HS6ST3: variants seen among roughly 807,000 people sequenced by gnomAD.
The protein encoded by HS6ST3 is heparan-sulfate 6-O-sulfotransferase 3.
Under a neutral mutation model 36.7 loss-of-function variants are expected in HS6ST3, and 12 were observed. That is an observed-to-expected ratio of 0.33 (90% CI 0.21 to 0.53). HS6ST3 has a LOEUF of 0.53. Among genes scored for constraint, HS6ST3 ranks in the 20% least tolerant of loss-of-function variants. The probability of loss-of-function intolerance (pLI) is 0.95; values close to 1 mark genes in which losing one functional copy is unlikely to be tolerated. For missense variants in HS6ST3, 584 were observed against 640.9 expected (o/e 0.91, Z 0.96); for synonymous variants, 240 against 257.5 (o/e 0.93, Z 0.65).
intron 1 of HS6ST3, among the ~76,000 whole-genome samples, chr13:96,454,250 A>C (rs2139487276): frequency 6.6e-6 from 1 of 152,296 alleles, no homozygotes; most frequent in South Asian, 2.1e-4. Context: ...CTGGGCCATC[A>C]GTGAAATCAT....
intron 1 of HS6ST3, among the ~76,000 whole-genome samples, chr13:96,500,902 T>C (rs2056001030): frequency 6.6e-6 from 1 of 152,300 alleles, no homozygotes; most frequent in South Asian, 2.1e-4. Flanking sequence ...GCCATATTAT[T>C]GAAGTGCTTT....
At chr13:96,474,502 AAG>A (rs2055854148) in intron 1 of HS6ST3, among the ~76,000 whole-genome samples, 1 of 152,220 alleles carries the variant, frequency 6.6e-6, no homozygotes, top group Non-Finnish European at 1.5e-5. Flanking sequence ...CACAGAATTT[AAG>A]AGAGATCTTT....
chr13:96,411,203 C>T (rs969445165), intron 1 of HS6ST3, among the ~76,000 whole-genome samples: 58 of 152,124 alleles, frequency 3.8e-4, no homozygotes, highest in Admixed American at 3.8e-3. Context: ...AACCTCTTAG[C>T]CACCCCCACA....
rs2056398744 is a variant in HS6ST3, at chr13:96,595,621, T to G, written c.708-236869T>G. 5.3e-5 allele frequency among the ~76,000 whole-genome samples: 8 copies of G among 152,246 alleles called. No individual in the cohort carries two copies. The South Asian group carries it at 1.7e-3, about 32-fold the overall frequency. ...TCTGCTACTAGTTTTTTAGATAAGC[T>G]TTATAGCCCTTTATCTTTCTATTCT... On this transcript the variant is annotated intron_variant, in intron 1 of 1. Transcript: ENST00000376705.
intron 1 of HS6ST3, among the ~76,000 whole-genome samples, chr13:96,706,412 T>TA (rs1160057876): frequency 5.7e-4 from 66 of 116,746 alleles, no homozygotes; most frequent in African/African-American, 1.3e-3. Context: ...TAGAATATAT[T>TA]TTATATATAT....
chr13:96,341,742 A>G (rs1411219606), intron 1 of HS6ST3, among the ~76,000 whole-genome samples: 1 of 152,178 alleles, frequency 6.6e-6, no homozygotes, highest in Non-Finnish European at 1.5e-5. Context: ...TTATAACAAA[A>G]CATAGGAAAT....
At chr13:96,476,651 G>A (rs963617354) in intron 1 of HS6ST3, among the ~76,000 whole-genome samples, 1 of 152,144 alleles carries the variant, frequency 6.6e-6, no homozygotes, top group South Asian at 2.1e-4. Context: ...GTGAGCCATC[G>A]CGCCTGGCCG....
intron 1 of HS6ST3, among the ~76,000 whole-genome samples, chr13:96,423,797 T>C (rs1009379508): frequency 1.9e-4 from 29 of 152,048 alleles, no homozygotes; most frequent in African/African-American, 7.0e-4. Flanking sequence ...CTGGATACTG[T>C]GTCGAGAATA....
At chr13:96,825,438 A>T (rs1490685822) in intron 1 of HS6ST3, among the ~76,000 whole-genome samples, 1 of 152,160 alleles carries the variant, frequency 6.6e-6, no homozygotes, top group African/African-American at 2.4e-5. Flanking sequence ...GCATAGAGAA[A>T]GCTGACAACA....
At chr13:96,636,942 T>C (rs2056551963) in intron 1 of HS6ST3, among the ~76,000 whole-genome samples, 1 of 152,062 alleles carries the variant, frequency 6.6e-6, no homozygotes, top group Non-Finnish European at 1.5e-5. Context: ...CACCTGAGGA[T>C]TCCTTTTAAA....
intron 1 of HS6ST3, among the ~76,000 whole-genome samples, chr13:96,234,015 A>T (rs2054520306): frequency 6.6e-6 from 1 of 152,094 alleles, no homozygotes; most frequent in South Asian, 2.1e-4. Context: ...GGGACACACC[A>T]TAGCACATCA....
intron 1 of HS6ST3, among the ~76,000 whole-genome samples, chr13:96,401,756 G>A (rs775326552): frequency 2.6e-5 from 4 of 151,812 alleles, no homozygotes; most frequent in South Asian, 2.1e-4. Context: ...TATATCTTTC[G>A]TAGAGGCAGG....
intron 1 of HS6ST3, among the ~76,000 whole-genome samples, chr13:96,640,996 CTTTG>C (rs753038780): frequency 7.2e-5 from 11 of 152,016 alleles, no homozygotes; most frequent in South Asian, 2.1e-4. Flanking sequence ...ATGCCTCTGG[CTTTG>C]TTTGTTTTGC....
At chr13:96,762,419 G>A (rs1876992846) in intron 1 of HS6ST3, among the ~76,000 whole-genome samples, 2 of 152,334 alleles carry the variant, frequency 1.3e-5, no homozygotes, top group South Asian at 4.1e-4. Context: ...GATGGAGGTT[G>A]CAGTGAGCCG....
chr13:96,195,936 G>A (rs965648765), intron 1 of HS6ST3, among the ~76,000 whole-genome samples: 50 of 152,242 alleles, frequency 3.3e-4, no homozygotes, highest in African/African-American at 1.1e-3. Context: ...CTCGATAAAT[G>A]TTAGTTTAAA....
chr13:96,286,418 G>A lies in HS6ST3; in HGVS notation c.707+194849G>A, dbSNP rs150652267. On this transcript the variant is annotated intron_variant, in intron 1 of 1. Transcript: ENST00000376705. ...GAGGGGGTTTATTTAAAATTTTATC[G>A]TGTAATGTTTAACATCCTGTAAAAA... Among the ~76,000 whole-genome samples the A allele has an allele frequency of 3.1e-3, 478 of 151,966 alleles. 3 individuals carry two copies. The highest frequency in any genetic ancestry group is 0.011 in the African/African-American group (464 of 41,402).
chr13:96,749,366 C>G (rs1256429478), intron 1 of HS6ST3, among the ~76,000 whole-genome samples: 1 of 152,104 alleles, frequency 6.6e-6, no homozygotes, highest in East Asian at 1.9e-4. Flanking sequence ...ACACATATCT[C>G]TCTATATGCA....
chr13:96,703,894 A>G (rs1290512085), intron 1 of HS6ST3, among the ~76,000 whole-genome samples: 1 of 152,114 alleles, frequency 6.6e-6, no homozygotes, highest in Non-Finnish European at 1.5e-5. Flanking sequence ...ACAAGTTCTG[A>G]TGATTTAAAA....
At chr13:96,552,447 ATC>A (rs1416071087) in intron 1 of HS6ST3, among the ~76,000 whole-genome samples, 2 of 152,198 alleles carry the variant, frequency 1.3e-5, no homozygotes, top group Non-Finnish European at 2.9e-5. Flanking sequence ...AAGTGGTCAC[ATC>A]TGTGGTCAGA....
Sources: allele counts gnomAD v4.1 joint callset (sites outside exome capture counted in the v4.1 genomes callset), GRCh38; gene constraint gnomAD v4.1.1; transcripts MANE v1.5; gene names NCBI Gene and HGNC (gene_info 2026-07-23, HGNC 2026-07-21).